RLF: variants seen among roughly 807,000 people sequenced by gnomAD.
RLF encodes the protein zinc finger protein Rlf.
A neutral mutation model predicts 162.9 loss-of-function variants in RLF; 7 were observed. The observed-to-expected ratio is 0.04, with a 90% CI of 0.02 to 0.08. The LOEUF is 0.08. Ranked by LOEUF, RLF falls within the 10% of genes least tolerant of loss-of-function variation. The pLI, the probability that RLF is intolerant of heterozygous loss-of-function variation, is 1.00. For missense variants in RLF, 1,664 were observed against 2,244.7 expected (o/e 0.74, Z 5.23); for synonymous variants, 782 against 791.5 (o/e 0.99, Z 0.20).
intron 5 of RLF, among the ~76,000 whole-genome samples, chr1:40,221,222 T>G (rs1642989339): frequency 6.6e-6 from 1 of 152,052 alleles, no homozygotes; most frequent in African/African-American, 2.4e-5. Context: ...ATTTAAACAT[T>G]TTTAATTTAA....
At chr1:40,198,153 G>A (rs182997052) in intron 4 of RLF, among the ~76,000 whole-genome samples, 2 of 151,666 alleles carry the variant, frequency 1.3e-5, no homozygotes, top group African/African-American at 4.8e-5. Context: ...ACAGGCATGC[G>A]CCACCATGCC....
intron 1 of RLF, among the ~76,000 whole-genome samples, chr1:40,163,445 C>G (rs547362124): frequency 3.3e-5 from 5 of 152,236 alleles, no homozygotes; most frequent in South Asian, 2.1e-4. Flanking sequence ...GTCAAAGGAT[C>G]ACATATATAT....
At chr1:40,201,583 G>A (rs1016660425) in intron 4 of RLF, among the ~76,000 whole-genome samples, 7 of 142,276 alleles carry the variant, frequency 4.9e-5, no homozygotes, top group Non-Finnish European at 9.0e-5. Context: ...CCAAGATCGC[G>A]CCACGGCACT....
Position 40,237,173 on chromosome 1 carries a change from T to G in RLF, c.2471T>G (p.Met824Arg), listed in dbSNP as rs1332338314. ...SKIEYQNHLS[M>R]HNVENSNGDI... ...ATTGAATACCAGAATCACCTCTCAA[T>G]GCATAATGTTGAAAATTCAAATGGA... is the stretch of plus-strand genomic sequence containing the variant. Residue 824 changes from methionine to arginine, a missense_variant, in exon 8 of 8, where the codon ATG becomes AGG. Physicochemically the swap from Met to Arg is moderately conservative, Grantham distance 91. Coordinates refer to ENST00000372771, the MANE Select transcript of RLF (RefSeq NM_012421.4). The surrounding 1 kb of genome is among the most constrained non-coding windows in gnomAD (Gnocchi z 4.4). The G allele has an allele frequency of 4.3e-6, 7 of 1,613,882 alleles. No homozygotes were observed. Among genetic ancestry groups the G allele is most frequent in the African/African-American group, 1.3e-5 (1 of 74,908 alleles).
At chr1:40,185,222 C>T (rs956263075) in intron 1 of RLF, among the ~76,000 whole-genome samples, 7 of 151,836 alleles carry the variant, frequency 4.6e-5, no homozygotes, top group Non-Finnish European at 7.4e-5. Flanking sequence ...TGAACTCTAG[C>T]CGGGTTCAAG....
At chr1:40,174,101 G>A (rs1005690718) in intron 1 of RLF, among the ~76,000 whole-genome samples, 4 of 152,312 alleles carry the variant, frequency 2.6e-5, no homozygotes, top group East Asian at 1.9e-4. Context: ...GGCCGGGCAC[G>A]ATGGCTCACG....
chr1:40,203,458 G>A (rs1023908485), intron 5 of RLF, among the ~76,000 whole-genome samples: 7 of 151,724 alleles, frequency 4.6e-5, no homozygotes, highest in Non-Finnish European at 8.8e-5. Flanking sequence ...CAGGAAAATC[G>A]CTTGAACCCG....
chr1:40,203,244 A>C (rs1365720660), intron 5 of RLF, among the ~76,000 whole-genome samples: 2 of 150,940 alleles, frequency 1.3e-5, no homozygotes, highest in East Asian at 2.0e-4. Context: ...CCTCCCAAGT[A>C]GCTGGGACTA....
Position 40,240,465 on chromosome 1 carries a change from G to A in RLF, c.*18G>A. 6.4e-7 allele frequency: 1 copy of A among 1,569,334 alleles called. No individual in the cohort carries two copies. The highest frequency in any genetic ancestry group is 1.4e-5 in the African/African-American group (1 of 73,914). On this transcript the variant is annotated 3_prime_UTR_variant, in exon 8 of 8. Coordinates refer to ENST00000372771, the MANE Select transcript of RLF (RefSeq NM_012421.4). ...GTTCATAAGTAGCAATTTTGTTTTA[G>A]TAACAGACTGGCTCCAACACTGCAA...
At chr1:40,223,352 G>C (rs1215224459) in intron 6 of RLF, among the ~76,000 whole-genome samples, 1 of 152,196 alleles carries the variant, frequency 6.6e-6, no homozygotes, top group Non-Finnish European at 1.5e-5. Flanking sequence ...CTCTCTGTCA[G>C]TAAGTATCAG....
At chr1:40,188,976 G>A in intron 1 of RLF, 79 bp from the exon 2 acceptor site, 1 of 939,864 alleles carries the variant, frequency 1.1e-6, no homozygotes, top group Non-Finnish European at 1.5e-6. Flanking sequence ...AAATGGGAGA[G>A]CTATGTGGTG....
intron 5 of RLF, among the ~76,000 whole-genome samples, chr1:40,221,790 C>T (rs1421225456): frequency 6.6e-6 from 1 of 150,860 alleles, no homozygotes; most frequent in Non-Finnish European, 1.5e-5. Flanking sequence ...GTCCCAGCTA[C>T]TCTGGAGGCT....
At chr1:40,208,030 C>T (rs886791379) in intron 5 of RLF, among the ~76,000 whole-genome samples, 5 of 152,192 alleles carry the variant, frequency 3.3e-5, no homozygotes, top group East Asian at 1.9e-4. Flanking sequence ...TATCAACTAA[C>T]GTATTTTTTC....
chr1:40,178,635 T>TTGTTTTTG (rs1557739783), intron 1 of RLF, among the ~76,000 whole-genome samples: 1 of 147,730 alleles, frequency 6.8e-6, no homozygotes, highest in African/African-American at 2.5e-5. Flanking sequence ...TTTTTTTGTT[T>TTGTTTTTG]TTTTTTTTTT....
At chr1:40,222,520 G>C in intron 5 of RLF, 54 bp from the exon 6 acceptor site, 1 of 1,583,458 alleles carries the variant, frequency 6.3e-7, no homozygotes, top group Non-Finnish European at 8.6e-7. Context: ...ATATAACAAA[G>C]TTTACTGAAA....
chr1:40,172,987 GTAT>G (rs1489409501), intron 1 of RLF, among the ~76,000 whole-genome samples: 1 of 150,766 alleles, frequency 6.6e-6, no homozygotes. Context: ...GCCAATGCTT[GTAT>G]TATTAAACTT....
rs751285391 is a variant in RLF, at chr1:40,240,185, C to T, written c.5483C>T (p.Pro1828Leu). 2.5e-6 allele frequency: 4 copies of T among 1,614,102 alleles called. No individual in the cohort carries two copies. The change falls in exon 8 of 8, where the codon CCT (proline) becomes CTT (leucine). Residue 1828 changes from proline to leucine, a missense_variant. Coordinates refer to ENST00000372771, the MANE Select transcript of RLF (RefSeq NM_012421.4). ...VNDSEPEVDI[P>L]HSSSDSTIHE... is the part of the protein sequence containing the mutation. ...GACAGTGAACCTGAAGTTGACATACCTCATTCTTCCAGTGACTCTACAATT... is the reference window on the plus strand; with the variant it reads ...GACAGTGAACCTGAAGTTGACATACTTCATTCTTCCAGTGACTCTACAATT...
At chr1:40,195,906 A>G in intron 4 of RLF, 142 bp downstream of exon 4, 1 of 709,714 alleles carries the variant, frequency 1.4e-6, no homozygotes, top group Non-Finnish European at 2.2e-6. Flanking sequence ...AACTATTAGC[A>G]TTTAATGTTT....
At chr1:40,192,188 A>G (rs770207893) in intron 3 of RLF, among the ~76,000 whole-genome samples, 4 of 152,192 alleles carry the variant, frequency 2.6e-5, no homozygotes, top group Non-Finnish European at 5.9e-5. Context: ...AGCTGCTAAA[A>G]TCATCTTTCA....
Sources: allele counts gnomAD v4.1 joint callset (sites outside exome capture counted in the v4.1 genomes callset), GRCh38; gene constraint gnomAD v4.1.1; non-coding constraint Gnocchi (gnomAD v3.1); transcripts MANE v1.5; gene names NCBI Gene and HGNC (gene_info 2026-07-23, HGNC 2026-07-21).